Variants in ADAMTS9 observed in about 807,000 individuals in gnomAD.
The protein encoded by ADAMTS9 is A disintegrin and metalloproteinase with thrombospondin motifs 9.
A neutral mutation model predicts 257.1 loss-of-function variants in ADAMTS9; 107 were observed. The observed-to-expected ratio is 0.42, with a 90% CI of 0.36 to 0.49. The LOEUF (loss-of-function observed/expected upper bound fraction) is 0.49, where lower values mean the gene tolerates loss of function less well. ADAMTS9 is among the 20% of genes least tolerant of loss of function. ADAMTS9 has a pLI of 0.03. For synonymous variants in ADAMTS9, 982 were observed against 880.9 expected, an observed-to-expected ratio of 1.11 and a Z score of -2.03; for missense variants, 2,353 against 2,469.1, an observed-to-expected ratio of 0.95 and a Z score of 1.00.
intron 11 of ADAMTS9, among the ~76,000 whole-genome samples, chr3:64,644,685 T>C (rs1000983958): frequency 1.3e-5 from 2 of 152,214 alleles, no homozygotes; most frequent in Non-Finnish European, 2.9e-5. Context: ...TTTTGTACCT[T>C]GAGGACAAAA....
At chr3:64,559,209 C>T (rs2083382077) in intron 30 of ADAMTS9, among the ~76,000 whole-genome samples, 1 of 152,150 alleles carries the variant, frequency 6.6e-6, no homozygotes, top group Non-Finnish European at 1.5e-5. Context: ...TACTGTCGTC[C>T]TTCACGCTCA....
intron 12 of ADAMTS9, among the ~76,000 whole-genome samples, chr3:64,635,032 A>C (rs1200666542): frequency 6.6e-6 from 1 of 152,022 alleles, no homozygotes; most frequent in Non-Finnish European, 1.5e-5. Flanking sequence ...CTTTACAATA[A>C]GTGCACATAG....
At chr3:64,684,168 G>A (rs1010083362) in intron 2 of ADAMTS9, among the ~76,000 whole-genome samples, 1 of 152,178 alleles carries the variant, frequency 6.6e-6, no homozygotes, top group Admixed American at 6.5e-5. Context: ...TGGACATGTG[G>A]ATGTGAGTGA....
At chr3:64,541,655 T>G (rs1022918445) in intron 33 of ADAMTS9, 35 bp from the exon 34 acceptor site, 7 of 1,584,382 alleles carry the variant, frequency 4.4e-6, no homozygotes, top group Non-Finnish European at 6.1e-6. Context: ...TAGGGTGTGA[T>G]GATCCGAGAT....
intron 22 of ADAMTS9, among the ~76,000 whole-genome samples, chr3:64,608,271 A>C (rs2084597882): frequency 6.6e-6 from 1 of 150,966 alleles, no homozygotes; most frequent in Admixed American, 6.6e-5. Flanking sequence ...AAAAAAAAAA[A>C]AAAAACAAGA....
At chr3:64,608,923 A>C (rs1242874987) in intron 22 of ADAMTS9, among the ~76,000 whole-genome samples, 1 of 152,134 alleles carries the variant, frequency 6.6e-6, no homozygotes, top group African/African-American at 2.4e-5. Context: ...AGGATAGTAC[A>C]TCATGGCCAA....
chr3:64,639,563 A>G (rs1015083259), intron 12 of ADAMTS9, among the ~76,000 whole-genome samples: 2 of 104,326 alleles, frequency 1.9e-5, no homozygotes, highest in African/African-American at 1.0e-4. Context: ...ACAAAGTATT[A>G]TTTTAAAAAA....
intron 26 of ADAMTS9, among the ~76,000 whole-genome samples, chr3:64,598,066 A>C (rs188473703): frequency 2.0e-5 from 3 of 152,244 alleles, no homozygotes; most frequent in Admixed American, 2.0e-4. Context: ...TCAAGATGTG[A>C]ATACATTTTG....
chr3:64,582,589 C>A (rs950673641), intron 28 of ADAMTS9: 2 of 152,166 alleles, frequency 1.3e-5, no homozygotes, highest in Non-Finnish European at 2.9e-5. Flanking sequence ...GGTGATATTG[C>A]CTCCCAGGGA....
At chr3:64,625,738 T>A (rs1366430614) in intron 16 of ADAMTS9, among the ~76,000 whole-genome samples, 7 of 152,214 alleles carry the variant, frequency 4.6e-5, no homozygotes, top group African/African-American at 1.4e-4. Context: ...CAAGATTAGC[T>A]TTTAAAAGGA....
intron 21 of ADAMTS9, 43 bp from the exon 22 acceptor site, chr3:64,613,552 T>C (rs763792713): frequency 6.3e-7 from 1 of 1,581,562 alleles, no homozygotes; most frequent in Non-Finnish European, 8.6e-7. Flanking sequence ...TTCTGATCAA[T>C]GTGTTGTGGT....
chr3:64,526,402 T>C (rs766381766), intron 38 of ADAMTS9, among the ~76,000 whole-genome samples: 8 of 152,150 alleles, frequency 5.3e-5, no homozygotes, highest in Non-Finnish European at 1.2e-4. Context: ...TTCTTAAAAA[T>C]TCGTAGGCAT....
chr3:64,604,624 G>T (rs905896207), intron 23 of ADAMTS9, among the ~76,000 whole-genome samples: 1 of 152,182 alleles, frequency 6.6e-6, no homozygotes, highest in African/African-American at 2.4e-5. Flanking sequence ...ATTGTAAAAG[G>T]ACATGTAAGT....
In ADAMTS9 at chr3:64,686,790, C is replaced by A. The variant is rs780647174; in HGVS notation, c.294G>T (p.Ala98=). ...SSSSSSTSSQ[A]HYRLSAFGQQ... Reference sequence around the variant, plus strand: ...GGCCGAAGGCAGAGAGGCGGTAATGCGCCTGGGAGGAGGTAGAGGAGGAAG... The same window carrying A: ...GGCCGAAGGCAGAGAGGCGGTAATGAGCCTGGGAGGAGGTAGAGGAGGAAG... Residue 98 remains alanine, a synonymous_variant, in exon 2 of 40, where the codon GCG becomes GCT. Transcript: ENST00000498707. The surrounding 1 kb of genome is among the most constrained non-coding windows in gnomAD (Gnocchi z 4.6). 3 of 1,613,884 alleles carry A rather than the reference C, an allele frequency of 1.9e-6. No homozygotes were observed. The highest frequency in any genetic ancestry group is 1.3e-5 in the African/African-American group (1 of 74,884).
intron 12 of ADAMTS9, among the ~76,000 whole-genome samples, chr3:64,640,736 T>C (rs1700615787): frequency 6.6e-6 from 1 of 152,226 alleles, no homozygotes; most frequent in African/African-American, 2.4e-5. Flanking sequence ...TATTTTCTAT[T>C]CCTTTTCAAC....
intron 4 of ADAMTS9, among the ~76,000 whole-genome samples, chr3:64,656,354 T>C (rs1701069139): frequency 6.6e-6 from 1 of 152,230 alleles, no homozygotes; most frequent in Admixed American, 6.5e-5. Context: ...ATTTACTAAA[T>C]GCTTATTGTG....
At chr3:64,605,551 T>C (rs1041204605) in intron 23 of ADAMTS9, among the ~76,000 whole-genome samples, 10 of 152,196 alleles carry the variant, frequency 6.6e-5, no homozygotes, top group African/African-American at 2.4e-4. Flanking sequence ...ATCAGCCACA[T>C]GGGGCTTCAC....
At chr3:64,618,642 G>C (rs545635783) in intron 19 of ADAMTS9, among the ~76,000 whole-genome samples, 38 of 152,246 alleles carry the variant, frequency 2.5e-4, no homozygotes, top group Non-Finnish European at 4.7e-4. Context: ...TTGGGGGATT[G>C]AGTGAGGCAA....
intron 22 of ADAMTS9, among the ~76,000 whole-genome samples, chr3:64,611,539 A>C (rs2084665860): frequency 2.0e-5 from 3 of 151,902 alleles, no homozygotes; most frequent in African/African-American, 7.2e-5. Flanking sequence ...GGCACCCAGG[A>C]CCAGTTTCAT....
Sources: gnomAD v4.1 joint callset for allele counts (sites outside exome capture counted in the v4.1 genomes callset) on GRCh38, gnomAD v4.1.1 for gene constraint, Gnocchi (gnomAD v3.1) non-coding constraint, MANE v1.5 for transcripts, NCBI Gene and HGNC (gene_info 2026-07-23, HGNC 2026-07-21) for gene names.